Variants in NAALADL2 observed in about 807,000 individuals in gnomAD.
The protein encoded by NAALADL2 is inactive N-acetylated-alpha-linked acidic dipeptidase-like protein 2.
In NAALADL2, 76 loss-of-function variants were observed where a neutral mutation model predicts 87.2. The ratio of observed to expected loss-of-function variants is 0.87; its 90% CI spans 0.72 to 1.05. The LOEUF is 1.05. NAALADL2 is among the 50% of genes least tolerant of loss of function. NAALADL2 has a pLI of 0.00. For synonymous variants in NAALADL2, 354 were observed against 331.0 expected (o/e 1.07, Z -0.75); for missense variants, 1,089 against 945.8 (o/e 1.15, Z -1.99).
At chr3:175,057,655 C>G (rs1026887303) in intron 1 of NAALADL2, among the ~76,000 whole-genome samples, 1 of 152,274 alleles carries the variant, frequency 6.6e-6, no homozygotes, top group African/African-American at 2.4e-5. Context: ...GCAGTGAGAG[C>G]CTTAGGTGGC....
chr3:175,573,628 A>G (rs1718413212), intron 9 of NAALADL2, among the ~76,000 whole-genome samples: 2 of 152,240 alleles, frequency 1.3e-5, no homozygotes, highest in South Asian at 4.1e-4. Flanking sequence ...ATAACATGAT[A>G]TAAAATAGTT....
intron 7 of NAALADL2, among the ~76,000 whole-genome samples, chr3:175,465,707 G>C (rs534231225): frequency 1.3e-5 from 2 of 151,984 alleles, no homozygotes. Flanking sequence ...TCCTGACCTC[G>C]TGATCCACCT....
In NAALADL2 at chr3:175,787,532, C is replaced by T. The variant is rs942850957; in HGVS notation, c.2190-15473C>T. Among the ~76,000 whole-genome samples the T allele has an allele frequency of 4.6e-5, 7 of 152,324 alleles. No homozygotes were observed. In the East Asian group the frequency reaches 1.2e-3, roughly 25 times the overall value. ...GGAAAGGGAACTCCCTGACCCCTTG[C>T]GCTTCCCAAGTGAGGCAATGCCTCG... On this transcript the variant is annotated intron_variant, in intron 13 of 13. Coordinates refer to ENST00000454872, the MANE Select transcript of NAALADL2 (RefSeq NM_207015.3).
chr3:174,574,764 T>C (rs1715342709), intron 2 of NAALADL2, among the ~76,000 whole-genome samples: 1 of 152,146 alleles, frequency 6.6e-6, no homozygotes, highest in Admixed American at 6.5e-5. Context: ...AGAATTCAAA[T>C]AAATAGAATC....
rs139229550 is a variant in NAALADL2, at chr3:175,011,280, CAGAGAGAG to C, written c.44-85476_44-85469del. 7.2e-3 allele frequency among the ~76,000 whole-genome samples: 815 copies of C among 113,544 alleles called. 4 individuals carry two copies. Among genetic ancestry groups the C allele is most frequent in the Middle Eastern group, 0.026 (6 of 230 alleles). The allele number at this position is 113,544 out of a possible 152,430, so 74.5% of individuals were successfully genotyped here. A position where few individuals can be genotyped will look rare whatever the true frequency, so the allele number is the denominator to read the frequency against. On this transcript the variant is annotated intron_variant, in intron 1 of 13. Coordinates refer to ENST00000454872, the MANE Select transcript of NAALADL2 (RefSeq NM_207015.3). ...AGAGAGAGGGAGAGAGACAGAGAGACAGAGAGAGAGAGAGAGAGAGAGAGAGAGAGAGA... is the reference window on the plus strand; with the variant it reads ...AGAGAGAGGGAGAGAGACAGAGAGACAGAGAGAGAGAGAGAGAGAGAGAGA...
In NAALADL2 at chr3:175,309,812, T is replaced by C. The variant is rs186265211; in HGVS notation, c.940-14363T>C. ...TACGTTTCTGAAAATCCTTCAGATA[T>C]ATTACCTCCTTTGAATCTGCTAGTC... On this transcript the variant is annotated intron_variant, in intron 4 of 13. Transcript: ENST00000454872. Among the ~76,000 whole-genome samples the C allele has an allele frequency of 6.8e-4, 103 of 152,310 alleles. No homozygotes were observed. The East Asian group carries it at 8.7e-3, about 13-fold the overall frequency.
intron 1 of NAALADL2, among the ~76,000 whole-genome samples, chr3:174,873,286 G>T (rs963049967): frequency 2.0e-4 from 29 of 148,204 alleles, no homozygotes; most frequent in African/African-American, 6.8e-4. Flanking sequence ...ACGGAGTCTC[G>T]CTCTGTCGCC....
intron 2 of NAALADL2, among the ~76,000 whole-genome samples, chr3:175,139,505 G>T (rs1670907924): frequency 6.6e-6 from 1 of 151,990 alleles, no homozygotes; most frequent in Admixed American, 6.6e-5. Context: ...CTATGTCTCT[G>T]CTGTTCAAAT....
intron 5 of NAALADL2, among the ~76,000 whole-genome samples, chr3:175,380,292 A>C (rs1211043559): frequency 1.3e-5 from 2 of 152,106 alleles, no homozygotes; most frequent in Non-Finnish European, 2.9e-5. Flanking sequence ...CTACCCCACA[A>C]GGTTGCCCTA....
intron 5 of NAALADL2, among the ~76,000 whole-genome samples, chr3:175,431,944 A>C (rs1441387453): frequency 1.3e-5 from 2 of 151,860 alleles, no homozygotes; most frequent in Non-Finnish European, 2.9e-5. Flanking sequence ...AGTTGTGACC[A>C]TTCTCCTTTC....
At chr3:175,094,522 T>G (rs115201381) in intron 1 of NAALADL2, among the ~76,000 whole-genome samples, 2,090 of 152,044 alleles carry the variant, frequency 0.014, 47 homozygotes, top group African/African-American at 0.048. Context: ...TAGCTATCAT[T>G]AACGTCATAC....
At chr3:175,423,057 T>A (rs1481190934) in intron 5 of NAALADL2, among the ~76,000 whole-genome samples, 49 of 134,108 alleles carry the variant, frequency 3.7e-4, no homozygotes, top group East Asian at 1.1e-3. Flanking sequence ...ATATATTTTT[T>A]TTTTTTCCTG....
intron 1 of NAALADL2, among the ~76,000 whole-genome samples, chr3:174,497,206 C>A (rs10936800): frequency 0.42 from 63,532 of 151,874 alleles, 14,296 homozygotes; most frequent in East Asian, 0.88. Flanking sequence ...TATTCACCTT[C>A]ATATTCATAT....
intron 9 of NAALADL2, among the ~76,000 whole-genome samples, chr3:175,525,587 T>C (rs1733279554): frequency 6.6e-6 from 1 of 152,170 alleles, no homozygotes; most frequent in Non-Finnish European, 1.5e-5. Context: ...AAAAGGATTT[T>C]TTTTTTGTCA....
At chr3:175,109,425 G>T (rs1273674797) in intron 2 of NAALADL2, among the ~76,000 whole-genome samples, 1 of 151,792 alleles carries the variant, frequency 6.6e-6, no homozygotes, top group African/African-American at 2.4e-5. Context: ...AAATATGCAA[G>T]ATACCTGCAT....
intron 1 of NAALADL2, among the ~76,000 whole-genome samples, chr3:175,008,089 A>T (rs1425013025): frequency 6.6e-6 from 1 of 152,146 alleles, no homozygotes; most frequent in Non-Finnish European, 1.5e-5. Flanking sequence ...AAATTTACAA[A>T]TGCTTGCCCT....
intron 11 of NAALADL2, chr3:175,718,809 C>T (rs1741770046): frequency 5.1e-6 from 3 of 590,948 alleles, no homozygotes; most frequent in East Asian, 5.9e-5. Flanking sequence ...CACACCACTG[C>T]ACTCCAGCCT....
At chr3:174,997,876 G>A (rs1747728248) in intron 1 of NAALADL2, among the ~76,000 whole-genome samples, 1 of 149,936 alleles carries the variant, frequency 6.7e-6, no homozygotes, top group South Asian at 2.1e-4. Context: ...CAGAAAGAGG[G>A]TGATATAAAT....
At position 175,802,949 on chromosome 3, in the gene NAALADL2, T is replaced by G. The variant is rs561485482; in HGVS notation, c.2190-56T>G. 4.0e-5 allele frequency: 45 copies of G among 1,132,694 alleles called. No homozygotes were observed. The African/African-American group carries it at 6.2e-4, about 16-fold the overall frequency. The allele number at this position is 1,132,694 out of a possible 1,614,324, so 70.2% of individuals were successfully genotyped here. A position where few individuals can be genotyped will look rare whatever the true frequency, so the allele number is the denominator to read the frequency against. ...TCTTAGAAATATTCATTCCAACGTT[T>G]GATAGAAAAATAGCATTGTGCATGA... On this transcript the variant is annotated intron_variant, in intron 13 of 13. Coordinates refer to ENST00000454872, the MANE Select transcript of NAALADL2 (RefSeq NM_207015.3).
Sources: allele counts gnomAD v4.1 joint callset (sites outside exome capture counted in the v4.1 genomes callset), GRCh38; gene constraint gnomAD v4.1.1; transcripts MANE v1.5; gene names NCBI Gene and HGNC (gene_info 2026-07-23, HGNC 2026-07-21).